FBXL20: variants seen among roughly 807,000 people sequenced by gnomAD.
The protein encoded by FBXL20 is F-box/LRR-repeat protein 20.
Under a neutral mutation model 64.0 loss-of-function variants are expected in FBXL20, and 11 were observed. The observed-to-expected ratio is 0.17, with a 90% CI of 0.11 to 0.28. The LOEUF (loss-of-function observed/expected upper bound fraction) is 0.28, where lower values mean the gene tolerates loss of function less well. Among genes scored for constraint, FBXL20 ranks in the 10% least tolerant of loss-of-function variants. The pLI is 1.00. For missense variants in FBXL20, 303 were observed against 526.2 expected (o/e 0.58, Z 4.15); for synonymous variants, 184 against 189.0 (o/e 0.97, Z 0.22).
chr17:39,398,322 G>C (rs1040652837), intron 1 of FBXL20, among the ~76,000 whole-genome samples: 2 of 152,122 alleles, frequency 1.3e-5, no homozygotes, highest in African/African-American at 4.8e-5. Context: ...CAAAAAGCTA[G>C]AGGTAACTGA....
intron 2 of FBXL20, among the ~76,000 whole-genome samples, chr17:39,337,592 G>C (rs2047537361): frequency 6.6e-6 from 1 of 151,354 alleles, no homozygotes. Flanking sequence ...CCTCTGCCCG[G>C]CCGCGACCCC....
chr17:39,328,872 A>G (rs890652847), intron 2 of FBXL20, among the ~76,000 whole-genome samples: 2 of 152,134 alleles, frequency 1.3e-5, no homozygotes, highest in African/African-American at 4.8e-5. Context: ...AGGCAACATA[A>G]TGAGATCCCT....
At chr17:39,314,418 T>C (rs1013505330) in intron 2 of FBXL20, among the ~76,000 whole-genome samples, 2 of 152,084 alleles carry the variant, frequency 1.3e-5, no homozygotes, top group African/African-American at 4.8e-5. Context: ...AGTGGCGCCA[T>C]CCTGGTTCAC....
chr17:39,303,519 A>AT, intron 3 of FBXL20, 66 bp downstream of exon 3: 1 of 1,327,166 alleles, frequency 7.5e-7, no homozygotes, highest in South Asian at 1.4e-5. Context: ...TGGATGGCCT[A>AT]TGAAAGAGGC....
At chr17:39,297,817 C>T (rs1298480887) in intron 5 of FBXL20, among the ~76,000 whole-genome samples, 1 of 152,120 alleles carries the variant, frequency 6.6e-6, no homozygotes, top group African/African-American at 2.4e-5. Flanking sequence ...CTCACTGCAG[C>T]CTCCACCTCC....
chr17:39,373,558 T>C (rs1387363418), intron 1 of FBXL20, among the ~76,000 whole-genome samples: 1 of 152,230 alleles, frequency 6.6e-6, no homozygotes, highest in Non-Finnish European at 1.5e-5. Flanking sequence ...TCTCCATTTG[T>C]CTAGAAATTC....
In FBXL20 at chr17:39,265,465, A is replaced by C; in HGVS notation, c.934-12T>G. On this transcript the variant is annotated splice_polypyrimidine_tract_variant and intron_variant, in intron 12 of 14. Coordinates refer to ENST00000264658, the MANE Select transcript of FBXL20 (RefSeq NM_032875.3). The stretch of plus-strand genomic sequence containing the variant: ...GTGCTATCTGTTATCTGAAAGAAAT[A>C]ACGTATGTTGATTTTAGGTATAATC... 6.3e-7 allele frequency: 1 copy of C among 1,588,940 alleles called. No homozygotes were observed. Among genetic ancestry groups the C allele is most frequent in the Admixed American group, 1.7e-5 (1 of 59,920 alleles).
intron 1 of FBXL20, among the ~76,000 whole-genome samples, chr17:39,358,265 T>C (rs954942257): frequency 6.6e-6 from 1 of 152,182 alleles, no homozygotes; most frequent in African/African-American, 2.4e-5. Flanking sequence ...CCCACACTGG[T>C]GAGGGCGGAT....
At chr17:39,346,282 A>T (rs558138144) in intron 1 of FBXL20, among the ~76,000 whole-genome samples, 1 of 152,222 alleles carries the variant, frequency 6.6e-6, no homozygotes, top group Non-Finnish European at 1.5e-5. Flanking sequence ...TCAAGGATGC[A>T]GTGGAGCATG....
At position 39,256,205 on chromosome 17, in the gene FBXL20, T is replaced by TG. The variant is rs1416088772; in HGVS notation, c.*5254dup. 1 of 151,194 alleles carries TG rather than the reference T, an allele frequency of 6.6e-6. No homozygotes were observed. The highest frequency in any genetic ancestry group is 6.6e-5 in the Admixed American group (1 of 15,132). The allele number at this position is 151,194 out of a possible 1,614,324, so 9.4% of individuals were successfully genotyped here. On this transcript the variant is annotated 3_prime_UTR_variant, in exon 15 of 15. Coordinates refer to ENST00000264658, the MANE Select transcript of FBXL20 (RefSeq NM_032875.3). Reference sequence around the variant, plus strand: ...GCGTGGTGGTGGGCACCTGTAATCCTGGCCTCTTGGGAGGCTGAAACAGAA... The same window carrying TG: ...GCGTGGTGGTGGGCACCTGTAATCCTGGGCCTCTTGGGAGGCTGAAACAGAA...
chr17:39,262,338 A>G (rs892924044), intron 14 of FBXL20, among the ~76,000 whole-genome samples: 1 of 151,954 alleles, frequency 6.6e-6, no homozygotes, highest in African/African-American at 2.4e-5. Flanking sequence ...CTGGAGTGCA[A>G]TGGTGTGATC....
intron 1 of FBXL20, among the ~76,000 whole-genome samples, chr17:39,400,880 T>C (rs945605184): frequency 6.6e-6 from 1 of 152,120 alleles, no homozygotes; most frequent in African/African-American, 2.4e-5. Context: ...GCCTCTATCA[T>C]CCCAAACTAC....
chr17:39,282,707 C>T lies in FBXL20; in HGVS notation c.621+22G>A, dbSNP rs182755000. ...TCATTCACGATTCTTCCGAATTTCA[C>T]GAGCCCTACATGGAGTATTACCTGC... is the stretch of plus-strand genomic sequence containing the variant. On this transcript the variant is annotated intron_variant, in intron 8 of 14. Transcript: ENST00000264658. The T allele has an allele frequency of 1.7e-4, 268 of 1,613,632 alleles. No individual in the cohort carries two copies. In the African/African-American group the frequency reaches 3.1e-3, roughly 19 times the overall value.
At chr17:39,342,084 C>G (rs2047588133) in intron 2 of FBXL20, among the ~76,000 whole-genome samples, 1 of 152,106 alleles carries the variant, frequency 6.6e-6, no homozygotes, top group South Asian at 2.1e-4. Flanking sequence ...AAACAGAAAC[C>G]AGTTTATATA....
intron 2 of FBXL20, among the ~76,000 whole-genome samples, chr17:39,308,439 G>C (rs2144474185): frequency 6.6e-6 from 1 of 151,374 alleles, no homozygotes; most frequent in East Asian, 1.9e-4. Flanking sequence ...TGGCTGTAGG[G>C]AACTGTGATC....
chr17:39,302,817 A>G (rs998299603), intron 3 of FBXL20, among the ~76,000 whole-genome samples: 5 of 152,098 alleles, frequency 3.3e-5, no homozygotes, highest in African/African-American at 1.2e-4. Context: ...GCCTTAGTTC[A>G]GTACTTCTTT....
rs1346196615 is a variant in FBXL20 at position 39,253,683 on chromosome 17, T to C, written c.*7777A>G. ...GAGAAGAAATCAAAAGCTCATCCCT[T>C]CCTGCACTATTAGAAATTAACAGTC... is the stretch of plus-strand genomic sequence containing the variant. On this transcript the variant is annotated 3_prime_UTR_variant, in exon 15 of 15. Coordinates refer to ENST00000264658, the MANE Select transcript of FBXL20 (RefSeq NM_032875.3). The C allele has an allele frequency of 6.6e-6, 1 of 152,228 alleles. No individual in the cohort carries two copies. The highest frequency in any genetic ancestry group is 1.9e-4 in the East Asian group (1 of 5,308). The allele number at this position is 152,228 out of a possible 1,614,324, so 9.4% of individuals were successfully genotyped here. A position where few individuals can be genotyped will look rare whatever the true frequency, so the allele number is the denominator to read the frequency against.
chr17:39,313,582 G>C (rs184508896), intron 2 of FBXL20, among the ~76,000 whole-genome samples: 10 of 152,148 alleles, frequency 6.6e-5, no homozygotes, highest in Admixed American at 3.9e-4. Flanking sequence ...GGGGTAGGCT[G>C]CCAGGGTTTT....
In FBXL20 at chr17:39,294,519, A is replaced by G. The variant is rs1478811473; in HGVS notation, c.398+2608T>C. Among the ~76,000 whole-genome samples the G allele has an allele frequency of 2.0e-5, 3 of 152,028 alleles. No individual in the cohort carries two copies. In the East Asian group the frequency reaches 5.8e-4, roughly 29 times the overall value. ...TGGGCTAAAGTAATCCACCCACCTC[A>G]GCCTCTCAAAGTGCTGGGATTACAG... On this transcript the variant is annotated intron_variant, in intron 6 of 14. Transcript: ENST00000264658.
Sources: allele counts gnomAD v4.1 joint callset (sites outside exome capture counted in the v4.1 genomes callset), GRCh38; gene constraint gnomAD v4.1.1; transcripts MANE v1.5; gene names NCBI Gene and HGNC (gene_info 2026-07-23, HGNC 2026-07-21).